HM13: variants seen among roughly 807,000 people sequenced by gnomAD.
HM13 encodes histocompatibility minor 13.
Under a neutral mutation model 50.0 loss-of-function variants are expected in HM13, and 18 were observed. The observed-to-expected ratio is 0.36, with a 90% CI of 0.25 to 0.53. The LOEUF (loss-of-function observed/expected upper bound fraction) is 0.53. Ranked by LOEUF, HM13 falls within the 20% of genes least tolerant of loss-of-function variation. The pLI is 0.90. For missense variants in HM13, 393 were observed against 552.4 expected, an observed-to-expected ratio of 0.71 and a Z score of 2.89; for synonymous variants, 197 against 232.6, an observed-to-expected ratio of 0.85 and a Z score of 1.39.
chr20:31,515,991 A>G (rs1308175760), intron 1 of HM13, among the ~76,000 whole-genome samples: 2 of 152,256 alleles, frequency 1.3e-5, no homozygotes, highest in African/African-American at 4.8e-5. Flanking sequence ...GAGGCCTGCC[A>G]TCTTCCTTCC....
intron 9 of HM13, among the ~76,000 whole-genome samples, chr20:31,559,871 A>T (rs1484542262): frequency 2.0e-5 from 3 of 152,222 alleles, no homozygotes; most frequent in Non-Finnish European, 4.4e-5. Context: ...TTAAACCCAC[A>T]AGGGCCTGGT....
At chr20:31,519,143 C>T (rs1216097827) in intron 1 of HM13, among the ~76,000 whole-genome samples, 2 of 152,106 alleles carry the variant, frequency 1.3e-5, no homozygotes, top group Non-Finnish European at 2.9e-5. Context: ...ACTCTGTCAC[C>T]CAGGCTGGAG....
rs145311604 is a variant in HM13 at position 31,519,625 on chromosome 20, G to A, written c.183+4891G>A. On this transcript the variant is annotated intron_variant, in intron 1 of 12. Coordinates refer to ENST00000398174, the MANE Select transcript of HM13 (RefSeq NM_178581.3). The stretch of plus-strand genomic sequence containing the variant: ...GCACATTCTGAATCAGAAGCTCAAG[G>A]TGGGCCCAGCAATGTGTGTTTTAAC... 5.3e-5 allele frequency among the ~76,000 whole-genome samples: 8 copies of A among 152,250 alleles called. No individual in the cohort carries two copies. The East Asian group carries it at 1.2e-3, about 22-fold the overall frequency.
intron 1 of HM13, among the ~76,000 whole-genome samples, chr20:31,517,696 T>A (rs1158948277): frequency 1.3e-5 from 2 of 152,012 alleles, no homozygotes; most frequent in Admixed American, 1.3e-4. Flanking sequence ...AAGAGTGTGG[T>A]GTGAGCCCAG....
At chr20:31,530,432 CAG>C (rs1330747951) in intron 2 of HM13, among the ~76,000 whole-genome samples, 6 of 148,228 alleles carry the variant, frequency 4.0e-5, no homozygotes, top group African/African-American at 7.6e-5. Context: ...TTTTTTGAGA[CAG>C]AGTCTTTCTC....
Position 31,542,245 on chromosome 20 carries a change from C to A in HM13, c.366-2702C>A, listed in dbSNP as rs112902385. On this transcript the variant is annotated intron_variant, in intron 3 of 12. Coordinates refer to ENST00000398174, the MANE Select transcript of HM13 (RefSeq NM_178581.3). The stretch of plus-strand genomic sequence containing the variant: ...AGCCTGCCTTACCTTGTGTAGTCAC[C>A]AAGATTCAAACCCAAGACATCCTTC... 5.3e-3 allele frequency among the ~76,000 whole-genome samples: 811 copies of A among 152,342 alleles called. 5 individuals are homozygous for A. The highest frequency in any genetic ancestry group is 9.1e-3 in the Non-Finnish European group (617 of 68,038).
chr20:31,554,531 A>C (rs533804809), intron 7 of HM13: 11 of 486,950 alleles, frequency 2.3e-5, no homozygotes, highest in African/African-American at 2.0e-4. Context: ...AAATACAAAA[A>C]ATTAGCTGGG....
intron 6 of HM13, 139 bp from the exon 7 acceptor site, chr20:31,549,925 C>T: frequency 2.8e-6 from 2 of 711,478 alleles, no homozygotes; most frequent in Admixed American, 2.0e-5. Context: ...CACCTCACCT[C>T]AGCTTCAGAT....
At chr20:31,535,440 G>GGCTTTT (rs1387435415) in intron 2 of HM13, 1 of 152,188 alleles carries the variant, frequency 6.6e-6, no homozygotes, top group Admixed American at 6.5e-5. Context: ...TTGTGGCTCT[G>GGCTTTT]GCTTTTTAGC....
chr20:31,528,626 G>A lies in HM13; in HGVS notation c.282+1044G>A, dbSNP rs7263030. Reference sequence around the variant, plus strand: ...GCTGAGTAGCTAGGATTACAGACGCGCGCCACCACGCCCAGCTAATTTTTG... The same window carrying A: ...GCTGAGTAGCTAGGATTACAGACGCACGCCACCACGCCCAGCTAATTTTTG... On this transcript the variant is annotated intron_variant, in intron 2 of 12. Transcript: ENST00000398174. Among the ~76,000 whole-genome samples, 1,420 of 152,304 alleles carry A rather than the reference G, an allele frequency of 9.3e-3. 18 individuals carry two copies. The highest frequency in any genetic ancestry group is 0.032 in the African/African-American group (1,346 of 41,558).
At chr20:31,524,636 G>A (rs578128478) in intron 1 of HM13, among the ~76,000 whole-genome samples, 58 of 150,672 alleles carry the variant, frequency 3.8e-4, no homozygotes, top group African/African-American at 1.2e-3. Flanking sequence ...GCTTTAGTTT[G>A]AGCTCTTATT....
rs543978005 is a variant in HM13 at position 31,524,650 on chromosome 20, A to T, written c.184-2834A>T. 4.0e-5 allele frequency among the ~76,000 whole-genome samples: 6 copies of T among 149,804 alleles called. No individual in the cohort carries two copies. In the South Asian group the frequency reaches 1.3e-3, roughly 32 times the overall value. On this transcript the variant is annotated intron_variant, in intron 1 of 12. Coordinates refer to ENST00000398174, the MANE Select transcript of HM13 (RefSeq NM_178581.3). ...TGCTTTAGTTTGAGCTCTTATTAAG[A>T]GTGAGAATAAAGACTTTTTTTATTA...
chr20:31,562,956 G>A (rs894652771), intron 10 of HM13, among the ~76,000 whole-genome samples: 10 of 152,042 alleles, frequency 6.6e-5, no homozygotes, highest in South Asian at 2.1e-4. Context: ...TGCAGCTCCC[G>A]GCCCCTTATT....
intron 11 of HM13, among the ~76,000 whole-genome samples, chr20:31,566,991 G>A (rs934500497): frequency 3.3e-5 from 5 of 152,146 alleles, no homozygotes; most frequent in African/African-American, 9.7e-5. Context: ...CTTCCGCCCA[G>A]TTCCACCTGC....
chr20:31,562,170 T>C (rs939248512), intron 10 of HM13, among the ~76,000 whole-genome samples: 1 of 152,042 alleles, frequency 6.6e-6, no homozygotes, highest in Non-Finnish European at 1.5e-5. Flanking sequence ...CTCCCCCTAC[T>C]CCCTAGTAGA....
At chr20:31,542,208 G>A (rs1392923240) in intron 3 of HM13, among the ~76,000 whole-genome samples, 1 of 152,260 alleles carries the variant, frequency 6.6e-6, no homozygotes, top group Non-Finnish European at 1.5e-5. Context: ...ATTGGAGGAA[G>A]GCAGGGGCCG....
intron 2 of HM13, among the ~76,000 whole-genome samples, chr20:31,533,595 G>T (rs988532183): frequency 1.3e-5 from 2 of 152,234 alleles, no homozygotes; most frequent in Non-Finnish European, 2.9e-5. Context: ...GTGAACAGGT[G>T]CCAGTGTGAT....
chr20:31,547,321 C>T, intron 4 of HM13: 1 of 286,508 alleles, frequency 3.5e-6, no homozygotes, highest in South Asian at 4.4e-5. Context: ...GTTCAGAGAG[C>T]GGAAGTTGTC....
Position 31,527,467 on chromosome 20 carries a change from ATTC to A in HM13, c.184-12_184-10del, listed in dbSNP as rs1600623459. ...GAACCAGCCGTGCTGAGCCATTGTC[ATTC>A]TTCTCTCCTCTAGAATGCTTCAGAC... On this transcript the variant is annotated splice_polypyrimidine_tract_variant and intron_variant, in intron 1 of 12. Transcript: ENST00000398174. The A allele has an allele frequency of 1.9e-6, 3 of 1,592,108 alleles. No individual in the cohort carries two copies. The highest frequency in any genetic ancestry group is 2.6e-6 in the Non-Finnish European group (3 of 1,160,740).
Sources: gnomAD v4.1 joint callset for allele counts (sites outside exome capture counted in the v4.1 genomes callset) on GRCh38, gnomAD v4.1.1 for gene constraint, MANE v1.5 for transcripts, NCBI Gene and HGNC (gene_info 2026-07-23, HGNC 2026-07-21) for gene names.